Variants in ZZZ3 observed in about 807,000 individuals in gnomAD.
ZZZ3 encodes the protein ZZ-type zinc finger-containing protein 3.
A neutral mutation model predicts 95.2 loss-of-function variants in ZZZ3; 22 were observed. That is an observed-to-expected ratio of 0.23 (90% CI 0.17 to 0.33). The LOEUF is 0.33. Ranked by LOEUF, ZZZ3 falls within the 10% of genes least tolerant of loss-of-function variation. ZZZ3 has a pLI of 1.00. For synonymous variants in ZZZ3, 335 were observed against 358.9 expected, an observed-to-expected ratio of 0.93 and a Z score of 0.75; for missense variants, 885 against 1,066.5, an observed-to-expected ratio of 0.83 and a Z score of 2.37.
intron 4 of ZZZ3, among the ~76,000 whole-genome samples, chr1:77,633,707 C>T (rs1349887917): frequency 6.6e-6 from 1 of 152,148 alleles, no homozygotes; most frequent in Admixed American, 6.5e-5. Flanking sequence ...ATCCCTACTT[C>T]ACGAATGAGA....
intron 11 of ZZZ3, among the ~76,000 whole-genome samples, chr1:77,576,903 A>G (rs1478900580): frequency 6.6e-6 from 1 of 152,240 alleles, no homozygotes; most frequent in African/African-American, 2.4e-5. Context: ...CTCTATGCCA[A>G]TGTCATTTAA....
At chr1:77,575,834 AG>A (rs560457145) in intron 12 of ZZZ3, among the ~76,000 whole-genome samples, 51 of 152,374 alleles carry the variant, frequency 3.3e-4, no homozygotes, top group African/African-American at 1.2e-3. Flanking sequence ...TGAGGTGGGT[AG>A]GGAGTAGAGA....
intron 5 of ZZZ3, among the ~76,000 whole-genome samples, chr1:77,603,523 A>T (rs1021122645): frequency 1.3e-5 from 2 of 152,230 alleles, no homozygotes; most frequent in African/African-American, 4.8e-5. Context: ...TAAGAATAAA[A>T]GAAAAAGCTT....
chr1:77,609,166 A>T (rs1373559817), intron 5 of ZZZ3, among the ~76,000 whole-genome samples: 3 of 152,212 alleles, frequency 2.0e-5, no homozygotes, highest in Non-Finnish European at 4.4e-5. Context: ...AAAGACAGAC[A>T]TACACTGAAA....
chr1:77,639,320 G>T, intron 4 of ZZZ3, 129 bp downstream of exon 4: 1 of 616,586 alleles, frequency 1.6e-6, no homozygotes, highest in Non-Finnish European at 2.6e-6. Context: ...CCTATAAACA[G>T]CCAGCCAAAC....
chr1:77,614,508 T>C (rs1052754571), intron 5 of ZZZ3, among the ~76,000 whole-genome samples: 4 of 152,214 alleles, frequency 2.6e-5, no homozygotes, highest in Admixed American at 6.5e-5. Context: ...TCCCCTATAA[T>C]ATCTTTATGA....
rs1333418007 is a variant in ZZZ3 at position 77,632,988 on chromosome 1, G to A, written c.367C>T (p.Leu123Phe). 1.2e-6 allele frequency: 2 copies of A among 1,614,038 alleles called. No homozygotes were observed. The highest frequency in any genetic ancestry group is 1.7e-5 in the Admixed American group (1 of 60,018). ...GAACTGTTTGGTGCTTCAGATCTAA[G>A]ACAACGCTTAATTCTTTTTAAAACT... ...SPVLKRIKRC[L>F]RSEAPNSSEE... The change falls in exon 5 of 15, where the codon CTT becomes TTT. Residue 123 changes from leucine (L) to phenylalanine (F), a missense_variant. Coordinates refer to ENST00000370801, the MANE Select transcript of ZZZ3 (RefSeq NM_015534.6).
At chr1:77,636,166 A>G (rs1257486919) in intron 4 of ZZZ3, among the ~76,000 whole-genome samples, 1 of 152,190 alleles carries the variant, frequency 6.6e-6, no homozygotes, top group African/African-American at 2.4e-5. Context: ...GACAATAGAA[A>G]TACTTTATAA....
intron 3 of ZZZ3, among the ~76,000 whole-genome samples, chr1:77,640,220 A>G (rs1170018977): frequency 6.6e-6 from 1 of 152,160 alleles, no homozygotes; most frequent in Non-Finnish European, 1.5e-5. Flanking sequence ...AATTAGCCAG[A>G]CAATTTAATT....
At chr1:77,646,346 A>C (rs1351022086) in intron 1 of ZZZ3, among the ~76,000 whole-genome samples, 1 of 151,794 alleles carries the variant, frequency 6.6e-6, no homozygotes, top group East Asian at 1.9e-4. Flanking sequence ...TCAGCCTCCC[A>C]AGTAGTTGAG....
chr1:77,633,855 G>C (rs1258937365), intron 4 of ZZZ3, among the ~76,000 whole-genome samples: 1 of 152,158 alleles, frequency 6.6e-6, no homozygotes, highest in Admixed American at 6.5e-5. Context: ...TCCTAAAGAT[G>C]TGATTTCATT....
At chr1:77,616,364 T>C (rs551740255) in intron 5 of ZZZ3, among the ~76,000 whole-genome samples, 1 of 152,350 alleles carries the variant, frequency 6.6e-6, no homozygotes, top group South Asian at 2.1e-4. Flanking sequence ...TTTTCAAGAC[T>C]GTTAAGTAAA....
chr1:77,682,082 G>A (rs779080333), intron 1 of ZZZ3, among the ~76,000 whole-genome samples: 6 of 152,108 alleles, frequency 3.9e-5, no homozygotes, highest in Non-Finnish European at 7.4e-5. Flanking sequence ...TCTGACCACA[G>A]GTGTTGTCAG....
chr1:77,621,353 G>C (rs1666836281), intron 5 of ZZZ3, among the ~76,000 whole-genome samples: 1 of 151,220 alleles, frequency 6.6e-6, no homozygotes, highest in Admixed American at 6.6e-5. Flanking sequence ...TGAGGCGGGA[G>C]GATCACTTGA....
chr1:77,640,078 A>G (rs996787922), intron 3 of ZZZ3, among the ~76,000 whole-genome samples: 1 of 152,150 alleles, frequency 6.6e-6, no homozygotes, highest in Non-Finnish European at 1.5e-5. Flanking sequence ...CAAATCTTCT[A>G]TACCTATAGG....
In ZZZ3 at chr1:77,563,583, C is replaced by T. The variant is rs893943785; in HGVS notation, c.*2057G>A. The T allele has an allele frequency of 6.6e-6, 1 of 152,174 alleles. No individual in the cohort carries two copies. The highest frequency in any genetic ancestry group is 2.4e-5 in the African/African-American group (1 of 41,446). The allele number at this position is 152,174 out of a possible 1,614,324, so 9.4% of individuals were successfully genotyped here. ...TATCACTCATATCCCTCTTCCAAAG[C>T]ATACATCATACTTTATGGAATTTTT... is the stretch of plus-strand genomic sequence containing the variant. On this transcript the variant is annotated 3_prime_UTR_variant, in exon 15 of 15. Coordinates refer to ENST00000370801, the MANE Select transcript of ZZZ3 (RefSeq NM_015534.6).
chr1:77,669,593 A>G (rs563666607), intron 1 of ZZZ3, among the ~76,000 whole-genome samples: 2 of 151,542 alleles, frequency 1.3e-5, no homozygotes, highest in African/African-American at 4.8e-5. Context: ...GAGTAGCTGG[A>G]ATTACAGGCA....
intron 3 of ZZZ3, 173 bp downstream of exon 3, chr1:77,641,211 C>A: frequency 4.9e-6 from 1 of 203,356 alleles, no homozygotes; most frequent in Non-Finnish European, 9.8e-6. Context: ...ACATCTACAA[C>A]TTAAAGTATA....
At position 77,581,020 on chromosome 1, in the gene ZZZ3, T is replaced by C; in HGVS notation, c.1958A>G (p.Gln653Arg). 1 of 1,614,110 alleles carries C rather than the reference T, an allele frequency of 6.2e-7. No individual in the cohort carries two copies. The highest frequency in any genetic ancestry group is 8.5e-7 in the Non-Finnish European group (1 of 1,179,932). Residue 653 changes from glutamine to arginine, a missense_variant, in exon 9 of 15, where the codon CAG (glutamine) becomes CGG (arginine). Around this residue, in one of 5 missense-constraint regions of ZZZ3, gnomAD observed 99 missense variants for 119.8 expected, o/e 0.83. Coordinates refer to ENST00000370801, the MANE Select transcript of ZZZ3 (RefSeq NM_015534.6). ...CDDTKPETFN[Q>R]LWTVEEQKKL... ...TACCTGTTCTTCAACAGTCCACAACTGGTTAAATGTTTCAGGTTTGGTATC... is the reference window on the plus strand; with the variant it reads ...TACCTGTTCTTCAACAGTCCACAACCGGTTAAATGTTTCAGGTTTGGTATC...
Sources: allele counts gnomAD v4.1 joint callset (sites outside exome capture counted in the v4.1 genomes callset), GRCh38; gene constraint gnomAD v4.1.1; regional missense constraint gnomAD v4.1.1; transcripts MANE v1.5; gene names NCBI Gene and HGNC (gene_info 2026-07-23, HGNC 2026-07-21).